DNAH11: variants seen among roughly 807,000 people sequenced by gnomAD.
The protein encoded by DNAH11 is axonemal beta dynein heavy chain 11.
DNAH11 carries 442 observed loss-of-function variants against 526.0 expected under a neutral mutation model. The ratio of observed to expected loss-of-function variants is 0.84; its 90% CI spans 0.78 to 0.91. The LOEUF is 0.91. Among genes scored for constraint, DNAH11 ranks in the 40% least tolerant of loss-of-function variants. The pLI, the probability that DNAH11 is intolerant of heterozygous loss-of-function variation, is 0.00. For synonymous variants in DNAH11, 2,461 were observed against 1,935.9 expected, an observed-to-expected ratio of 1.27 and a Z score of -7.12; for missense variants, 6,989 against 5,448.7, an observed-to-expected ratio of 1.28 and a Z score of -8.90.
chr7:21,781,878 T>C (rs539339677), intron 57 of DNAH11, among the ~76,000 whole-genome samples: 23 of 152,358 alleles, frequency 1.5e-4, no homozygotes, highest in Non-Finnish European at 2.9e-4. Flanking sequence ...CTTCTGTGAC[T>C]TGCAGATGGC....
rs1410846224 is a variant in DNAH11, at chr7:21,738,803, T to G, written c.7748T>G (p.Val2583Gly). ...YFIDDMNMPEVDLYGTVQPHT... is the reference protein window; with the variant it reads ...YFIDDMNMPEGDLYGTVQPHT... ...ATCGACGACATGAACATGCCTGAAG[T>G]GGACTTATATGGCACCGTTCAGCCT... The change falls in exon 47 of 82, where the codon GTG becomes GGG. Residue 2583 changes from valine (V) to glycine (G), a missense_variant. By Grantham distance (109) the Val-to-Gly change is moderately radical. Coordinates refer to ENST00000409508, the MANE Select transcript of DNAH11 (RefSeq NM_001277115.2). 4 of 1,603,396 alleles carry G rather than the reference T, an allele frequency of 2.5e-6. No individual in the cohort carries two copies. The Admixed American group carries it at 5.1e-5, about 20-fold the overall frequency.
Position 21,661,623 on chromosome 7 carries a change from A to G in DNAH11, c.5328+2592A>G, listed in dbSNP as rs1414335136. 2.0e-5 allele frequency among the ~76,000 whole-genome samples: 3 copies of G among 151,894 alleles called. 1 individual carries two copies. The highest frequency in any genetic ancestry group is 7.3e-5 in the African/African-American group (3 of 41,360). On this transcript the variant is annotated intron_variant, in intron 30 of 81. Transcript: ENST00000409508. Reference sequence around the variant, plus strand: ...CTGATAAAACTTTTTTCCTTGTAGCATATGATTAAGAAGAAAGAGGAATCC... The same window carrying G: ...CTGATAAAACTTTTTTCCTTGTAGCGTATGATTAAGAAGAAAGAGGAATCC...
intron 2 of DNAH11, among the ~76,000 whole-genome samples, chr7:21,558,317 G>GGTAGAAGGAGTTCTGAATAA (rs1783303863): frequency 6.6e-6 from 1 of 152,140 alleles, no homozygotes; most frequent in Admixed American, 6.5e-5. Flanking sequence ...CCCGTTTCAT[G>GGTAGAAGGAGTTCTGAATAA]GTAGAAGGAG....
rs929375728 is a variant in DNAH11 at position 21,619,099 on chromosome 7, G to A, written c.4255-1G>A. ...AGTCTAACTTTTTTTCCCCCAATCA[G>A]GTCAAGTTTTTAATAAATGAAGCCA... is the stretch of plus-strand genomic sequence containing the variant. On this transcript the variant is annotated splice_acceptor_variant, in intron 23 of 81. Coordinates refer to ENST00000409508, the MANE Select transcript of DNAH11 (RefSeq NM_001277115.2). LOFTEE classifies it high-confidence loss of function. The A allele has an allele frequency of 6.2e-7, 1 of 1,613,424 alleles. No homozygotes were observed. The highest frequency in any genetic ancestry group is 8.5e-7 in the Non-Finnish European group (1 of 1,179,558).
chr7:21,565,632 A>G (rs1783636869), intron 6 of DNAH11, among the ~76,000 whole-genome samples: 1 of 152,170 alleles, frequency 6.6e-6, no homozygotes, highest in Admixed American at 6.5e-5. Context: ...ACCTAGACCA[A>G]CCTGGATTGA....
At chr7:21,663,797 A>G (rs1464829394) in intron 30 of DNAH11, among the ~76,000 whole-genome samples, 4 of 147,412 alleles carry the variant, frequency 2.7e-5, no homozygotes, top group Non-Finnish European at 4.5e-5. Flanking sequence ...TTCATTGTGT[A>G]TATTTGCCAT....
intron 43 of DNAH11, among the ~76,000 whole-genome samples, 178 bp downstream of exon 43, chr7:21,718,103 C>T (rs1014345914): frequency 6.8e-6 from 1 of 146,366 alleles, no homozygotes; most frequent in Non-Finnish European, 1.5e-5. Context: ...TTTTTGCAAA[C>T]CTCTATCACA....
rs116133484 is a variant in DNAH11, at chr7:21,637,791, G to A, written c.4817+89G>A. 1,647 of 734,382 alleles carry A rather than the reference G, an allele frequency of 2.2e-3. 20 individuals are homozygous for A. The African/African-American group carries it at 0.027, about 12-fold the overall frequency. 45.5% of individuals were successfully genotyped at this position (734,382 alleles called of 1,614,324 possible). ...CTAATAGTATTTAATACTGTGTTAT[G>A]GAGGTGCAACCTCTACTAAATTATT... On this transcript the variant is annotated intron_variant, in intron 27 of 81. Coordinates refer to ENST00000409508, the MANE Select transcript of DNAH11 (RefSeq NM_001277115.2).
In DNAH11 at chr7:21,817,763, T is replaced by C. The variant is rs934990897; in HGVS notation, c.10569-454T>C. On this transcript the variant is annotated intron_variant, in intron 64 of 81. Coordinates refer to ENST00000409508, the MANE Select transcript of DNAH11 (RefSeq NM_001277115.2). ...AAATTATTTTTGGTAGGGAGATATT[T>C]TGTGGAAAGTAAGACCAAAATAAAA... Among the ~76,000 whole-genome samples the C allele has an allele frequency of 2.0e-5, 3 of 152,060 alleles. 1 individual carries two copies. Among genetic ancestry groups the C allele is most frequent in the Middle Eastern group, 6.3e-3 (2 of 316 alleles).
intron 9 of DNAH11, among the ~76,000 whole-genome samples, chr7:21,585,009 C>G (rs936608015): frequency 4.1e-5 from 6 of 148,064 alleles, no homozygotes; most frequent in Non-Finnish European, 7.4e-5. Flanking sequence ...ATTCAAGTCT[C>G]TCTTTTTCAC....
chr7:21,745,806 G>A (rs1246407906), intron 51 of DNAH11, among the ~76,000 whole-genome samples: 3 of 152,224 alleles, frequency 2.0e-5, no homozygotes, highest in African/African-American at 7.2e-5. Flanking sequence ...AATTTCCAAA[G>A]AGGGACTGGG....
intron 67 of DNAH11, among the ~76,000 whole-genome samples, chr7:21,853,873 C>A (rs1022127671): frequency 6.6e-6 from 1 of 152,318 alleles, no homozygotes; most frequent in East Asian, 1.9e-4. Flanking sequence ...GCATAAGTTA[C>A]TGGGTATATT....
intron 55 of DNAH11, among the ~76,000 whole-genome samples, chr7:21,771,510 T>C (rs543018708): frequency 1.6e-4 from 25 of 152,148 alleles, no homozygotes; most frequent in Middle Eastern, 3.4e-3. Context: ...ACTGAGAGAG[T>C]AGAAATTAAA....
At chr7:21,624,053 C>T (rs1786213058) in intron 25 of DNAH11, among the ~76,000 whole-genome samples, 1 of 151,916 alleles carries the variant, frequency 6.6e-6, no homozygotes, top group African/African-American at 2.4e-5. Flanking sequence ...GCAGAGCCCT[C>T]ATGGTACCTC....
At chr7:21,702,564 C>G (rs1422408539) in intron 36 of DNAH11, 146 bp from the exon 37 acceptor site, 2 of 660,076 alleles carry the variant, frequency 3.0e-6, no homozygotes, top group Admixed American at 2.9e-5. Context: ...TTCACAGTTT[C>G]AAAGAGCAGA....
At chr7:21,656,925 A>G (rs554420921) in intron 29 of DNAH11, among the ~76,000 whole-genome samples, 14 of 152,292 alleles carry the variant, frequency 9.2e-5, no homozygotes, top group Non-Finnish European at 1.9e-4. Context: ...AAAAGTTGCC[A>G]TAAACTCTCT....
chr7:21,744,650 A>T, intron 50 of DNAH11, 51 bp downstream of exon 50: 1 of 1,590,578 alleles, frequency 6.3e-7, no homozygotes, highest in East Asian at 2.2e-5. Context: ...CCAACTGGGT[A>T]TTGGGACTAA....
chr7:21,744,990 G>A lies in DNAH11; in HGVS notation c.8437G>A (p.Glu2813Lys), dbSNP rs1583652583. The change falls in exon 51 of 82, where the codon GAA (glutamate) becomes AAA (lysine). Residue 2813 changes from glutamate to lysine, a missense_variant. Glu to Lys is a moderately conservative substitution (Grantham distance 56). Coordinates refer to ENST00000409508, the MANE Select transcript of DNAH11 (RefSeq NM_001277115.2). The part of the protein sequence containing the change: ...DWEVLKTILT[E>K]TLDNYNELNA... ...GGAAGTGCTGAAGACGATTCTTACA[G>A]AAACGTTAGACAACTACAATGAACT... 6.2e-7 allele frequency: 1 copy of A among 1,610,112 alleles called. No homozygotes were observed. Among genetic ancestry groups the A allele is most frequent in the Non-Finnish European group, 8.5e-7 (1 of 1,178,158 alleles).
At chr7:21,555,881 C>A (rs1247214821) in intron 2 of DNAH11, among the ~76,000 whole-genome samples, 1 of 152,124 alleles carries the variant, frequency 6.6e-6, no homozygotes, top group Non-Finnish European at 1.5e-5. Flanking sequence ...CCCAGACGGG[C>A]CCCCAAGTTT....
Sources: allele counts gnomAD v4.1 joint callset (sites outside exome capture counted in the v4.1 genomes callset), GRCh38; gene constraint gnomAD v4.1.1; transcripts MANE v1.5; gene names NCBI Gene and HGNC (gene_info 2026-07-23, HGNC 2026-07-21).